SLC17A5: variants seen among roughly 807,000 people sequenced by gnomAD.
The protein encoded by SLC17A5 is solute carrier family 17 member 5.
In SLC17A5, 47 loss-of-function variants were observed where a neutral mutation model predicts 59.4. The ratio of observed to expected loss-of-function variants is 0.79; its 90% CI spans 0.63 to 1.01. SLC17A5 has a LOEUF of 1.01. Among genes scored for constraint, SLC17A5 ranks in the 50% least tolerant of loss-of-function variants. The probability of loss-of-function intolerance (pLI) is 0.00; values close to 1 mark genes in which losing one functional copy is unlikely to be tolerated. For missense variants in SLC17A5, 522 were observed against 595.5 expected (o/e 0.88, Z 1.28); for synonymous variants, 202 against 210.7 (o/e 0.96, Z 0.36).
chr6:73,631,889 A>G (rs1396349127), intron 6 of SLC17A5, among the ~76,000 whole-genome samples: 1 of 151,572 alleles, frequency 6.6e-6, no homozygotes, highest in Non-Finnish European at 1.5e-5. Flanking sequence ...AAGTTTCAAA[A>G]AAAAATGTTT....
intron 1 of SLC17A5, among the ~76,000 whole-genome samples, chr6:73,647,243 C>T (rs750617035): frequency 2.2e-4 from 34 of 152,290 alleles, no homozygotes; most frequent in Non-Finnish European, 3.7e-4. Flanking sequence ...CATCTGGACC[C>T]TGCATGGAGA....
intron 4 of SLC17A5, 67 bp downstream of exon 4, chr6:73,638,345 G>T: frequency 1.8e-6 from 2 of 1,116,004 alleles, no homozygotes; most frequent in Non-Finnish European, 2.7e-6. Flanking sequence ...TGGTATGCAG[G>T]CCCTTTTTCC....
intron 7 of SLC17A5, among the ~76,000 whole-genome samples, chr6:73,617,335 C>G (rs1368396135): frequency 6.6e-6 from 1 of 151,898 alleles, no homozygotes; most frequent in Admixed American, 6.6e-5. Flanking sequence ...AAACACAATT[C>G]CATTTAGACT....
intron 2 of SLC17A5, among the ~76,000 whole-genome samples, chr6:73,643,166 T>A (rs1386544817): frequency 1.3e-5 from 2 of 151,782 alleles, no homozygotes; most frequent in South Asian, 2.1e-4. Context: ...TATTTATTTT[T>A]AAATTTTTTT....
At chr6:73,653,668 C>T in intron 1 of SLC17A5, 125 bp downstream of exon 1, 3 of 1,089,780 alleles carry the variant, frequency 2.8e-6, no homozygotes, top group Non-Finnish European at 3.9e-6. Context: ...CTTAATGTCC[C>T]CTCGCGCCTG....
chr6:73,644,459 G>A lies in SLC17A5; in HGVS notation c.239C>T (p.Ser80Phe). The A allele has an allele frequency of 6.2e-7, 1 of 1,614,008 alleles. No individual in the cohort carries two copies. Among genetic ancestry groups the A allele is most frequent in the Non-Finnish European group, 8.5e-7 (1 of 1,179,972 alleles). ...AGCAGAATGCTCTGGACACGCCTTG[G>A]AAGTTCTATTATCTTCTAAAGTTGT... Reference protein sequence around the residue: ...SNTTLEDNRTSKACPEHSAPI... With the variant: ...SNTTLEDNRTFKACPEHSAPI... The change falls in exon 2 of 11, where the codon TCC (serine) becomes TTC (phenylalanine). Residue 80 changes from serine to phenylalanine, a missense_variant. This residue lies in a region of SLC17A5 where 338 missense variants were observed against 363.8 expected (regional missense o/e 0.93). Transcript: ENST00000355773.
chr6:73,599,591 T>C (rs772950188), intron 10 of SLC17A5, among the ~76,000 whole-genome samples: 14 of 152,238 alleles, frequency 9.2e-5, no homozygotes, highest in Non-Finnish European at 1.8e-4. Context: ...GTTAAACATT[T>C]TGGACATGTC....
chr6:73,644,126 T>C (rs1462439012), intron 2 of SLC17A5, among the ~76,000 whole-genome samples: 2 of 152,232 alleles, frequency 1.3e-5, no homozygotes, highest in African/African-American at 4.8e-5. Context: ...TTTTCTGTTA[T>C]ATAAAACAGG....
intron 1 of SLC17A5, among the ~76,000 whole-genome samples, chr6:73,646,679 C>CT (rs377347779): frequency 1.6e-3 from 238 of 145,888 alleles, no homozygotes; most frequent in Non-Finnish European, 2.5e-3. Context: ...TTTTTTCTTT[C>CT]TTTTTTTTTT....
chr6:73,632,714 T>C (rs1169868638), intron 6 of SLC17A5, among the ~76,000 whole-genome samples: 2 of 151,572 alleles, frequency 1.3e-5, no homozygotes, highest in Non-Finnish European at 1.5e-5. Context: ...AGTGTTGGGA[T>C]TACAGATGCG....
intron 9 of SLC17A5, among the ~76,000 whole-genome samples, chr6:73,602,351 T>C (rs189573981): frequency 6.7e-6 from 1 of 149,084 alleles, no homozygotes; most frequent in Non-Finnish European, 1.5e-5. Context: ...CTTTGTTCAC[T>C]TGTTTATCTG....
At chr6:73,613,342 A>G (rs1054562219) in intron 8 of SLC17A5, among the ~76,000 whole-genome samples, 1 of 151,478 alleles carries the variant, frequency 6.6e-6, no homozygotes, top group Non-Finnish European at 1.5e-5. Context: ...AAATAATTAT[A>G]AGCCATGGTG....
At chr6:73,618,720 G>A (rs1767992392) in intron 7 of SLC17A5, 2 of 222,294 alleles carry the variant, frequency 9.0e-6, no homozygotes, top group South Asian at 5.8e-5. Context: ...CCATCGTAGG[G>A]TTATTTATTT....
intron 7 of SLC17A5, among the ~76,000 whole-genome samples, chr6:73,619,780 A>C (rs1236748539): frequency 5.9e-5 from 9 of 152,124 alleles, no homozygotes. Flanking sequence ...CACAACATTA[A>C]TTACTGGCCA....
At chr6:73,623,662 TTTTATTTATTTA>T (rs145897192) in intron 6 of SLC17A5, among the ~76,000 whole-genome samples, 13,654 of 136,664 alleles carry the variant, frequency 0.1, 875 homozygotes, top group East Asian at 0.18. Flanking sequence ...TGTCTTTTAT[TTTTATTTATTTA>T]TTTATTTATT....
intron 7 of SLC17A5, among the ~76,000 whole-genome samples, chr6:73,617,226 G>A (rs920206387): frequency 6.6e-6 from 1 of 151,898 alleles, no homozygotes; most frequent in African/African-American, 2.4e-5. Context: ...GGGAGGTGGA[G>A]GTTGCAGTGA....
chr6:73,602,597 AC>A (rs1291699028), intron 9 of SLC17A5, among the ~76,000 whole-genome samples: 7 of 151,872 alleles, frequency 4.6e-5, no homozygotes, highest in African/African-American at 1.5e-4. Flanking sequence ...ACATGGTGAA[AC>A]CCCGTCTCTA....
At chr6:73,595,758 G>C (rs1022905434) in intron 10 of SLC17A5, among the ~76,000 whole-genome samples, 1 of 151,808 alleles carries the variant, frequency 6.6e-6, no homozygotes, top group Non-Finnish European at 1.5e-5. Context: ...TGTCACCCGG[G>C]CTGGAGTGCA....
rs1382310721 is a variant in SLC17A5, at chr6:73,595,134, G to A, written c.1431C>T (p.Phe477=). The change falls in exon 11 of 11, where the codon TTC becomes TTT. Residue 477 remains phenylalanine, a synonymous_variant. Transcript: ENST00000355773. ...NVFGAIFFTL[F]AKGEVQNWAL... ...CCCAGTTTTGTACTTCACCTTTGGC[G>A]AATAGTGTAAAGAAAATGGCACCAA... 5.0e-6 allele frequency: 8 copies of A among 1,613,960 alleles called. No individual in the cohort carries two copies. Among genetic ancestry groups the A allele is most frequent in the African/African-American group, 1.3e-5 (1 of 74,904 alleles).
Sources: gnomAD v4.1 joint callset for allele counts (sites outside exome capture counted in the v4.1 genomes callset) on GRCh38, gnomAD v4.1.1 for gene constraint, gnomAD v4.1.1 regional missense constraint, MANE v1.5 for transcripts, NCBI Gene and HGNC (gene_info 2026-07-23, HGNC 2026-07-21) for gene names.